KCNN2: variants seen among roughly 807,000 people sequenced by gnomAD.
KCNN2 encodes small conductance calcium-activated potassium channel protein 2.
Under a neutral mutation model 55.5 loss-of-function variants are expected in KCNN2, and 24 were observed. The ratio of observed to expected loss-of-function variants is 0.43; its 90% CI spans 0.31 to 0.61. The LOEUF is 0.61. Among genes scored for constraint, KCNN2 ranks in the 20% least tolerant of loss-of-function variants. The probability of loss-of-function intolerance (pLI) is 0.08; values close to 1 mark genes in which losing one functional copy is unlikely to be tolerated. For missense variants in KCNN2, 754 were observed against 853.6 expected (o/e 0.88, Z 1.45); for synonymous variants, 431 against 336.1 (o/e 1.28, Z -3.09).
At chr5:114,211,455 C>T (rs897598393) in intron 1 of KCNN2, among the ~76,000 whole-genome samples, 2 of 152,112 alleles carry the variant, frequency 1.3e-5, no homozygotes, top group Non-Finnish European at 2.9e-5. Flanking sequence ...CAAACTAACA[C>T]AGAAACAGAA....
At chr5:114,449,697 C>A (rs1760567512) in intron 3 of KCNN2, among the ~76,000 whole-genome samples, 1 of 152,148 alleles carries the variant, frequency 6.6e-6, no homozygotes, top group African/African-American at 2.4e-5. Context: ...TCTTCAAATG[C>A]AGGTTCATTT....
chr5:114,177,313 A>AT (rs1320583782), intron 1 of KCNN2, among the ~76,000 whole-genome samples: 1 of 151,902 alleles, frequency 6.6e-6, no homozygotes, highest in Non-Finnish European at 1.5e-5. Context: ...AATGTTTTGT[A>AT]TTTTTAGTAG....
intron 1 of KCNN2, among the ~76,000 whole-genome samples, chr5:114,149,500 G>T (rs183532019): frequency 4.1e-4 from 63 of 152,214 alleles, no homozygotes; most frequent in African/African-American, 1.5e-3. Flanking sequence ...CCGTGATGCC[G>T]CCAATGCACT....
At chr5:114,194,074 A>T (rs1753501817) in intron 1 of KCNN2, among the ~76,000 whole-genome samples, 1 of 151,990 alleles carries the variant, frequency 6.6e-6, no homozygotes, top group Non-Finnish European at 1.5e-5. Context: ...TCATCTGTTG[A>T]TAGTCACTTA....
chr5:114,468,685 C>G (rs1288413513), intron 4 of KCNN2, among the ~76,000 whole-genome samples: 2 of 152,184 alleles, frequency 1.3e-5, no homozygotes, highest in Non-Finnish European at 2.9e-5. Context: ...TTCTCTGTAG[C>G]AGTAAAAATT....
intron 1 of KCNN2, among the ~76,000 whole-genome samples, chr5:114,130,294 G>A (rs1561487835): frequency 6.6e-6 from 1 of 152,120 alleles, no homozygotes; most frequent in Non-Finnish European, 1.5e-5. Flanking sequence ...TTCTCTAAGA[G>A]TAGGATGGTA....
At chr5:114,389,398 G>T (rs1758393587) in intron 2 of KCNN2, among the ~76,000 whole-genome samples, 1 of 152,130 alleles carries the variant, frequency 6.6e-6, no homozygotes, top group Admixed American at 6.5e-5. Context: ...AAGCCAGATT[G>T]CTTGGGTTCA....
chr5:114,162,051 G>T (rs1244722011), intron 1 of KCNN2, among the ~76,000 whole-genome samples: 2 of 152,202 alleles, frequency 1.3e-5, no homozygotes, highest in Non-Finnish European at 2.9e-5. Context: ...GTGAGGAGCT[G>T]CATTCCTTTG....
chr5:114,278,060 CTTTCTGTTTGTTAGG>C (rs1207717149), intron 2 of KCNN2, among the ~76,000 whole-genome samples: 2 of 152,122 alleles, frequency 1.3e-5, no homozygotes, highest in African/African-American at 2.4e-5. Context: ...GATGATATTA[CTTTCTGTTTGTTAGG>C]TTTCTGTTTG....
intron 4 of KCNN2, among the ~76,000 whole-genome samples, chr5:114,472,667 A>G (rs6889371): frequency 0.12 from 18,935 of 152,140 alleles, 1,329 homozygotes; most frequent in Middle Eastern, 0.19. Flanking sequence ...TGTATGGAAA[A>G]ATCCTTATTT....
rs73247848 is a variant in KCNN2, at chr5:114,493,551, A to C, written c.2088+79A>C. 15,260 of 982,544 alleles carry C rather than the reference A, an allele frequency of 0.016. 1,415 individuals carry two copies. The African/African-American group carries it at 0.21, about 14-fold the overall frequency. The allele number at this position is 982,544 out of a possible 1,614,324, so 60.9% of individuals were successfully genotyped here. On this transcript the variant is annotated intron_variant, in intron 7 of 7. Coordinates refer to ENST00000673685, the MANE Select transcript of KCNN2 (RefSeq NM_021614.4). The stretch of plus-strand genomic sequence containing the variant: ...CACAGTCACTAATCATGAATGTTTC[A>C]AGAGGATCCCAACCCAAATCTAATT...
intron 3 of KCNN2, among the ~76,000 whole-genome samples, chr5:114,425,063 C>T (rs769299536): frequency 9.9e-5 from 15 of 152,118 alleles, no homozygotes; most frequent in Non-Finnish European, 1.9e-4. Flanking sequence ...TGGCCCTTGG[C>T]ATCTGTGAAA....
At position 114,068,542 on chromosome 5, in the gene KCNN2, C is replaced by G. The variant is rs1417223662; in HGVS notation, c.-271+12042C>G. ...CCATGGGTAAAAAGCTCAGGCTGCT[C>G]TCATGTTCTGGGGCATACATTTCAG... On this transcript the variant is annotated intron_variant, in intron 1 of 10. Coordinates refer to the KCNN2 transcript ENST00000512097. Among the ~76,000 whole-genome samples the G allele has an allele frequency of 2.0e-5, 3 of 152,180 alleles. No individual in the cohort carries two copies. The East Asian group carries it at 5.8e-4, about 29-fold the overall frequency.
intron 1 of KCNN2, among the ~76,000 whole-genome samples, chr5:114,100,978 A>G (rs1751362679): frequency 6.6e-6 from 1 of 150,420 alleles, no homozygotes. Context: ...AAATATTTAT[A>G]TAATATCCTT....
At chr5:114,283,457 C>A (rs1280603035) in intron 2 of KCNN2, among the ~76,000 whole-genome samples, 1 of 152,098 alleles carries the variant, frequency 6.6e-6, no homozygotes, top group Non-Finnish European at 1.5e-5. Context: ...GCTTATATTT[C>A]ATTGGTTGTA....
At chr5:114,388,324 A>G (rs1039950532) in intron 2 of KCNN2, among the ~76,000 whole-genome samples, 2 of 152,162 alleles carry the variant, frequency 1.3e-5, no homozygotes, top group African/African-American at 4.8e-5. Context: ...TATGCAATTT[A>G]TATCCCATCT....
At chr5:114,422,446 C>G (rs1580816102) in intron 3 of KCNN2, among the ~76,000 whole-genome samples, 1 of 152,158 alleles carries the variant, frequency 6.6e-6, no homozygotes, top group East Asian at 1.9e-4. Context: ...CTGAATCTTC[C>G]TGTGAATTGA....
chr5:114,468,940 T>C (rs145874441), intron 4 of KCNN2, among the ~76,000 whole-genome samples: 109 of 152,300 alleles, frequency 7.2e-4, no homozygotes, highest in African/African-American at 2.5e-3. Flanking sequence ...CACATTTTAA[T>C]TTTTCAAATA....
rs116437950 is a variant in KCNN2, at chr5:114,095,822, C to T, written c.-271+39322C>T. 3.1e-3 allele frequency among the ~76,000 whole-genome samples: 461 copies of T among 149,414 alleles called. 2 individuals are homozygous for T. Among genetic ancestry groups the T allele is most frequent in the African/African-American group, 0.01 (416 of 39,982 alleles). ...GTCCCCCAATAATTTTTTTTGACTT[C>T]CAAATTGGACTCCATATATGCACCT... On this transcript the variant is annotated intron_variant, in intron 1 of 10. Coordinates refer to the KCNN2 transcript ENST00000512097.
Sources: gnomAD v4.1 joint callset for allele counts (sites outside exome capture counted in the v4.1 genomes callset) on GRCh38, gnomAD v4.1.1 for gene constraint, MANE v1.5 for transcripts, NCBI Gene and HGNC (gene_info 2026-07-23, HGNC 2026-07-21) for gene names.